The following ZC3H8 variants were observed in gnomAD, a reference collection of about 807,000 sequenced individuals.
The protein encoded by ZC3H8 is zinc finger CCCH-type containing 8, also known as zinc finger CCCH domain-containing protein 8.
A neutral mutation model predicts 42.5 loss-of-function variants in ZC3H8; 27 were observed. The observed-to-expected ratio is 0.64, with a 90% CI of 0.47 to 0.88. ZC3H8 has a LOEUF of 0.88. Among genes scored for constraint, ZC3H8 ranks in the 40% least tolerant of loss-of-function variants. The pLI is 0.00. For synonymous variants in ZC3H8, 101 were observed against 110.1 expected, an observed-to-expected ratio of 0.92 and a Z score of 0.52; for missense variants, 277 against 336.1, an observed-to-expected ratio of 0.82 and a Z score of 1.37.
intron 5 of ZC3H8, among the ~76,000 whole-genome samples, chr2:112,233,652 G>C (rs1340485498): frequency 6.6e-6 from 1 of 152,090 alleles, no homozygotes; most frequent in Non-Finnish European, 1.5e-5. Flanking sequence ...CGGATCATGA[G>C]GTCAGGAGAT....
At chr2:112,252,115 G>T (rs1280567871) in intron 1 of ZC3H8, among the ~76,000 whole-genome samples, 8 of 152,060 alleles carry the variant, frequency 5.3e-5, no homozygotes, top group African/African-American at 1.9e-4. Flanking sequence ...GTATGTAGTT[G>T]ATTTCAATAT....
At chr2:112,220,422 G>A (rs1348053845) in intron 8 of ZC3H8, among the ~76,000 whole-genome samples, 2 of 152,094 alleles carry the variant, frequency 1.3e-5, no homozygotes, top group Non-Finnish European at 2.9e-5. Context: ...TAGTTTGGCT[G>A]GATATAAAAT....
chr2:112,242,897 T>C (rs938706324), intron 2 of ZC3H8, among the ~76,000 whole-genome samples: 6 of 152,344 alleles, frequency 3.9e-5, no homozygotes, highest in East Asian at 1.9e-4. Context: ...TAAGTTTCAT[T>C]TGTAGCCAAA....
intron 3 of ZC3H8, among the ~76,000 whole-genome samples, chr2:112,237,634 T>C (rs1302048147): frequency 6.6e-6 from 1 of 152,062 alleles, no homozygotes; most frequent in African/African-American, 2.4e-5. Context: ...TGGAGTGCAC[T>C]GTGTGATCTC....
chr2:112,229,791 G>A (rs560919300), intron 8 of ZC3H8, among the ~76,000 whole-genome samples: 2 of 151,894 alleles, frequency 1.3e-5, no homozygotes, highest in Admixed American at 6.6e-5. Context: ...AAATATAAAC[G>A]TATACAGCAA....
chr2:112,238,393 T>G lies in ZC3H8; in HGVS notation c.292A>C (p.Ile98Leu). The G allele has an allele frequency of 6.2e-7, 1 of 1,613,796 alleles. No individual in the cohort carries two copies. Among genetic ancestry groups the G allele is most frequent in the Non-Finnish European group, 8.5e-7 (1 of 1,179,888 alleles). The change falls in exon 3 of 9, where the codon ATA becomes CTA. Residue 98 changes from isoleucine to leucine, a missense_variant. Coordinates refer to ENST00000409573, the MANE Select transcript of ZC3H8 (RefSeq NM_032494.3). ...DNFAKELQQY[I>L]QAREMANAAQ... The stretch of plus-strand genomic sequence containing the variant: ...GCATTTGCCATTTCTCTGGCTTGTA[T>G]GTACTGTTGAAGCTCTTTGGCAAAA...
At position 112,238,354 on chromosome 2, in the gene ZC3H8, C is replaced by G; in HGVS notation, c.331G>C (p.Glu111Gln). The G allele has an allele frequency of 6.2e-7, 1 of 1,613,694 alleles. No individual in the cohort carries two copies. Among genetic ancestry groups the G allele is most frequent in the South Asian group, 1.1e-5 (1 of 91,074 alleles). ...REMANAAQPE[E>Q]STKKEGVKDT... ...TTTACTCCTTCTTTCTTTGTAGATT[C>G]TTCAGGTTGAGCAGCATTTGCCATT... Residue 111 changes from glutamate to glutamine, a missense_variant, in exon 3 of 9, where the codon GAA becomes CAA. Coordinates refer to ENST00000409573, the MANE Select transcript of ZC3H8 (RefSeq NM_032494.3).
At chr2:112,219,137 C>G (rs1684472346) in intron 8 of ZC3H8, among the ~76,000 whole-genome samples, 1 of 151,972 alleles carries the variant, frequency 6.6e-6, no homozygotes, top group Non-Finnish European at 1.5e-5. Context: ...GAACAAATAG[C>G]CAAAATCTTG....
intron 8 of ZC3H8, among the ~76,000 whole-genome samples, chr2:112,218,649 T>G (rs1363783538): frequency 6.6e-6 from 1 of 152,144 alleles, no homozygotes; most frequent in Admixed American, 6.5e-5. Context: ...ACTGGAAAAT[T>G]TTTTGGAGAT....
At chr2:112,233,047 C>A (rs974743471) in intron 6 of ZC3H8, among the ~76,000 whole-genome samples, 5 of 152,126 alleles carry the variant, frequency 3.3e-5, no homozygotes, top group African/African-American at 4.8e-5. Context: ...CCAGGTTGAG[C>A]AGAAAGAATC....
intron 2 of ZC3H8, among the ~76,000 whole-genome samples, chr2:112,247,373 G>A (rs58776269): frequency 0.01 from 1,533 of 152,222 alleles, 25 homozygotes; most frequent in African/African-American, 0.034. Context: ...TCAGGAGTTC[G>A]AGACCAGCCT....
chr2:112,254,272 C>T (rs1299737124), intron 1 of ZC3H8, among the ~76,000 whole-genome samples: 2 of 152,152 alleles, frequency 1.3e-5, no homozygotes, highest in African/African-American at 4.8e-5. Flanking sequence ...CTAGACACTG[C>T]TCCAAAAATA....
At chr2:112,236,014 G>T (rs908449645) in intron 4 of ZC3H8, among the ~76,000 whole-genome samples, 1 of 151,912 alleles carries the variant, frequency 6.6e-6, no homozygotes, top group Non-Finnish European at 1.5e-5. Flanking sequence ...TAGGGAGGTG[G>T]TGGGTGGTGG....
intron 2 of ZC3H8, among the ~76,000 whole-genome samples, chr2:112,241,532 T>C (rs1685585916): frequency 6.6e-6 from 1 of 152,220 alleles, no homozygotes; most frequent in African/African-American, 2.4e-5. Flanking sequence ...GAAAACCACA[T>C]ATTATTTTCA....
At chr2:112,236,874 T>C (rs1258117971) in intron 3 of ZC3H8, among the ~76,000 whole-genome samples, 179 bp from the exon 4 acceptor site, 2 of 152,118 alleles carry the variant, frequency 1.3e-5, no homozygotes, top group East Asian at 3.9e-4. Context: ...AAGGCCAGCC[T>C]AGGCAGCCTA....
At chr2:112,234,538 C>T (rs910314445) in intron 4 of ZC3H8, among the ~76,000 whole-genome samples, 3 of 152,126 alleles carry the variant, frequency 2.0e-5, no homozygotes, top group Non-Finnish European at 4.4e-5. Context: ...CAGTGGCTCA[C>T]GCCTGTAATC....
At chr2:112,247,703 C>G (rs1260575784) in intron 2 of ZC3H8, among the ~76,000 whole-genome samples, 1 of 152,198 alleles carries the variant, frequency 6.6e-6, no homozygotes, top group Non-Finnish European at 1.5e-5. Context: ...CCTAGGAGTC[C>G]ATCTTCTCAC....
At chr2:112,239,605 G>A (rs1349024908) in intron 2 of ZC3H8, among the ~76,000 whole-genome samples, 1 of 26,568 alleles carries the variant, frequency 3.8e-5, no homozygotes, top group Non-Finnish European at 8.6e-5. Context: ...TTTTTTTTTT[G>A]ATGGATTCTC....
intron 8 of ZC3H8, among the ~76,000 whole-genome samples, chr2:112,225,349 A>G (rs1189200245): frequency 2.6e-5 from 4 of 152,242 alleles, no homozygotes; most frequent in Non-Finnish European, 5.9e-5. Flanking sequence ...GTGGTAGCAC[A>G]CACCTGCAGT....
Sources: gnomAD v4.1 joint callset for allele counts (sites outside exome capture counted in the v4.1 genomes callset) on GRCh38, gnomAD v4.1.1 for gene constraint, MANE v1.5 for transcripts, NCBI Gene and HGNC (gene_info 2026-07-23, HGNC 2026-07-21) for gene names.